FIRRM: variants seen among roughly 807,000 people sequenced by gnomAD.
FIRRM encodes FIGNL1-interacting regulator of recombination and mitosis.
At chr1:169,818,793 T>A in the FIRRM span, among the ~76,000 whole-genome samples, 1,525 of 152,262 alleles carry the variant, frequency 0.01, 25 homozygotes, top group African/African-American at 0.034. Context: ...TTCAAGTGAT[T>A]CTCTTGCCTC....
chr1:169,820,669 T>C, the FIRRM span, among the ~76,000 whole-genome samples: 202 of 152,330 alleles, frequency 1.3e-3, no homozygotes, highest in African/African-American at 4.7e-3. Flanking sequence ...CTAACTCCCG[T>C]AAGTTAGGCC....
chr1:169,812,277 G>T, the FIRRM span, among the ~76,000 whole-genome samples: 1 of 152,162 alleles, frequency 6.6e-6, no homozygotes, highest in East Asian at 1.9e-4. Flanking sequence ...CATTTAACAA[G>T]TATTTCCAGA....
chr1:169,803,301 C>T, the FIRRM span: 1 of 1,613,446 alleles, frequency 6.2e-7, no homozygotes. Flanking sequence ...CACATTTGTG[C>T]ATTGTAAGGT....
At chr1:169,785,756 A>T in the FIRRM span, among the ~76,000 whole-genome samples, 1 of 152,160 alleles carries the variant, frequency 6.6e-6, no homozygotes, top group Non-Finnish European at 1.5e-5. Flanking sequence ...CTTCTCACTT[A>T]GGGCTATAGA....
chr1:169,826,975 C>T, the FIRRM span: 1 of 1,253,756 alleles, frequency 8.0e-7, no homozygotes, highest in Admixed American at 2.2e-5. Flanking sequence ...ACCAGAACAT[C>T]AGTTTATAGT....
the FIRRM span, chr1:169,851,569 A>T: frequency 4.4e-3 from 2,160 of 492,244 alleles, 44 homozygotes; most frequent in African/African-American, 0.039. Flanking sequence ...CTTAGCTTAT[A>T]CAGTAAAGGT....
the FIRRM span, chr1:169,849,493 C>A: frequency 9.2e-5 from 147 of 1,604,260 alleles, no homozygotes; most frequent in Non-Finnish European, 1.2e-4. Context: ...AGGCTTGGTT[C>A]TTTTAGGACA....
chr1:169,805,684 T>G, the FIRRM span, among the ~76,000 whole-genome samples: 1 of 152,232 alleles, frequency 6.6e-6, no homozygotes, highest in Admixed American at 6.5e-5. Context: ...TGTTTTGTCA[T>G]TTTGGATTAG....
chr1:169,843,287 T>C, the FIRRM span, among the ~76,000 whole-genome samples: 1 of 152,216 alleles, frequency 6.6e-6, no homozygotes, highest in African/African-American at 2.4e-5. Context: ...GCTGGAGATA[T>C]AGCTTACAAT....
chr1:169,804,087 G>C, the FIRRM span: 1 of 1,481,736 alleles, frequency 6.7e-7, no homozygotes. Flanking sequence ...TAGTGAATCT[G>C]TGTATTCTGG....
At chr1:169,817,613 A>T in the FIRRM span, among the ~76,000 whole-genome samples, 1 of 152,188 alleles carries the variant, frequency 6.6e-6, no homozygotes, top group Admixed American at 6.5e-5. Context: ...GCCAAGTTTC[A>T]CCTTTGCACT....
At chr1:169,798,905 C>G in the FIRRM span, 3 of 1,303,470 alleles carry the variant, frequency 2.3e-6, no homozygotes, top group Admixed American at 6.7e-5. Flanking sequence ...TAGTATCTTC[C>G]TTAATTATCC....
the FIRRM span, among the ~76,000 whole-genome samples, chr1:169,799,571 T>C: frequency 6.6e-6 from 1 of 152,142 alleles, no homozygotes; most frequent in Non-Finnish European, 1.5e-5. Flanking sequence ...CCTTTGTTTT[T>C]GTTGGAGTCT....
chr1:169,843,508 G>A, the FIRRM span, among the ~76,000 whole-genome samples: 3 of 152,116 alleles, frequency 2.0e-5, no homozygotes, highest in Non-Finnish European at 4.4e-5. Context: ...TAAAGTGAAG[G>A]TAATAATATC....
At chr1:169,821,192 C>G in the FIRRM span, among the ~76,000 whole-genome samples, 2 of 152,126 alleles carry the variant, frequency 1.3e-5, no homozygotes, top group Non-Finnish European at 2.9e-5. Flanking sequence ...CTCCCCCTTC[C>G]CGAAATATAT....
the FIRRM span, chr1:169,851,873 A>T: frequency 6.2e-7 from 1 of 1,614,070 alleles, no homozygotes; most frequent in East Asian, 2.2e-5. Flanking sequence ...AACAGGAAAA[A>T]GGTATTTTCT....
the FIRRM span, among the ~76,000 whole-genome samples, chr1:169,840,911 T>A: frequency 6.6e-6 from 1 of 152,286 alleles, no homozygotes; most frequent in African/African-American, 2.4e-5. Flanking sequence ...TAGTTTGACT[T>A]CTTCTTTTCG....
At chr1:169,821,773 A>T in the FIRRM span, 5 of 1,522,758 alleles carry the variant, frequency 3.3e-6, no homozygotes, top group African/African-American at 5.5e-5. Context: ...AGGCTTTATT[A>T]TACGTTACTT....
At chr1:169,845,039 A>C in the FIRRM span, among the ~76,000 whole-genome samples, 1 of 152,186 alleles carries the variant, frequency 6.6e-6, no homozygotes, top group Non-Finnish European at 1.5e-5. Context: ...TGTTAGAGAA[A>C]AAGCTTACCA....
Sources: gnomAD v4.1 joint callset for allele counts (sites outside exome capture counted in the v4.1 genomes callset) on GRCh38, gnomAD v4.1.1 for gene constraint, MANE v1.5 for transcripts, NCBI Gene and HGNC (gene_info 2026-07-23, HGNC 2026-07-21) for gene names.